The following ENPEP variants were observed in gnomAD, a reference collection of about 807,000 sequenced individuals.
ENPEP encodes the protein AP-A.
Under a neutral mutation model 114.5 loss-of-function variants are expected in ENPEP, and 103 were observed. The ratio of observed to expected loss-of-function variants is 0.90; its 90% CI spans 0.77 to 1.06. ENPEP has a LOEUF of 1.06. Among genes scored for constraint, ENPEP ranks in the 50% least tolerant of loss-of-function variants. The pLI is 0.00. For synonymous variants in ENPEP, 420 were observed against 422.0 expected (o/e 1.00, Z 0.06); for missense variants, 1,196 against 1,161.3 (o/e 1.03, Z -0.43).
At chr4:110,478,987 C>T (rs1191506776) in intron 1 of ENPEP, among the ~76,000 whole-genome samples, 2 of 152,072 alleles carry the variant, frequency 1.3e-5, no homozygotes, top group East Asian at 3.8e-4. Context: ...GTAATAGTTA[C>T]TTTGTTTATT....
In ENPEP at chr4:110,520,037, T is replaced by A. The variant is rs770101676; in HGVS notation, c.1539T>A (p.Asn513Lys). Residue 513 changes from asparagine (N) to lysine (K), a missense_variant, in exon 9 of 20, where the codon AAT becomes AAA. Physicochemically the swap from Asn to Lys is moderately conservative, Grantham distance 94 (BLOSUM62 0). Transcript: ENST00000265162. Reference sequence around the variant, plus strand: ...ACTTGGAAAAATACCAATTCAAGAATGCAAAAACTTCTGATTTTTGGGCAG... The same window carrying A: ...ACTTGGAAAAATACCAATTCAAGAAAGCAAAAACTTCTGATTTTTGGGCAG... ...QMYLEKYQFK[N>K]AKTSDFWAAL... 6.2e-7 allele frequency: 1 copy of A among 1,613,990 alleles called. No individual in the cohort carries two copies. The highest frequency in any genetic ancestry group is 1.3e-5 in the African/African-American group (1 of 75,036).
At chr4:110,501,992 T>C (rs143688478) in intron 3 of ENPEP, among the ~76,000 whole-genome samples, 231 of 152,328 alleles carry the variant, frequency 1.5e-3, no homozygotes, top group Non-Finnish European at 2.5e-3. Context: ...CTGGGTGAGA[T>C]AGTATCTCAT....
chr4:110,536,107 CAAAAAAAAAAA>C (rs34765143), intron 11 of ENPEP, among the ~76,000 whole-genome samples: 2 of 63,106 alleles, frequency 3.2e-5, no homozygotes, highest in Non-Finnish European at 5.8e-5. Context: ...AACTCTGTCT[CAAAAAAAAAAA>C]AAAAAAAAAA....
intron 18 of ENPEP, among the ~76,000 whole-genome samples, chr4:110,557,793 G>C (rs1041486148): frequency 2.0e-5 from 3 of 152,120 alleles, no homozygotes; most frequent in Non-Finnish European, 2.9e-5. Context: ...ATTCAGTGGC[G>C]TCTGTGATAA....
chr4:110,487,271 A>G (rs920328454), intron 1 of ENPEP, among the ~76,000 whole-genome samples: 5 of 152,194 alleles, frequency 3.3e-5, no homozygotes, highest in Admixed American at 3.3e-4. Flanking sequence ...GGGAAGAAGG[A>G]GGTCTTTTCA....
At position 110,563,129 on chromosome 4, in the gene ENPEP, T is replaced by G. The variant is rs1727729067; in HGVS notation, c.*1571T>G. The G allele has an allele frequency of 6.6e-6, 1 of 152,088 alleles. No individual in the cohort carries two copies. The highest frequency in any genetic ancestry group is 1.5e-5 in the Non-Finnish European group (1 of 68,012). The allele number at this position is 152,088 out of a possible 1,614,324, so 9.4% of individuals were successfully genotyped here. ...AGCAAAAACATATTAACATCATAAC[T>G]TACCAGAAAAACCCCACTATCCTCA... On this transcript the variant is annotated 3_prime_UTR_variant, in exon 20 of 20. Transcript: ENST00000265162.
At chr4:110,520,797 A>G (rs896730021) in intron 10 of ENPEP, among the ~76,000 whole-genome samples, 1 of 152,162 alleles carries the variant, frequency 6.6e-6, no homozygotes, top group Non-Finnish European at 1.5e-5. Flanking sequence ...GGTAAGAGTG[A>G]GAAGTGAGGC....
chr4:110,531,107 A>ATACT, intron 10 of ENPEP, 91 bp from the exon 11 acceptor site: 1 of 770,170 alleles, frequency 1.3e-6, no homozygotes, highest in East Asian at 3.5e-5. Flanking sequence ...AAAGAAAAAT[A>ATACT]TACTTGTCTA....
At chr4:110,505,613 T>A (rs1725344962) in intron 3 of ENPEP, among the ~76,000 whole-genome samples, 1 of 152,230 alleles carries the variant, frequency 6.6e-6, no homozygotes, top group African/African-American at 2.4e-5. Context: ...CAATATTTTC[T>A]TTTTTTCTTG....
At chr4:110,526,475 A>C (rs1375238179) in intron 10 of ENPEP, among the ~76,000 whole-genome samples, 3 of 152,188 alleles carry the variant, frequency 2.0e-5, no homozygotes, top group African/African-American at 7.2e-5. Context: ...AAGGTCACAC[A>C]GTGTAAATAA....
chr4:110,559,904 G>A (rs182333419), intron 19 of ENPEP, among the ~76,000 whole-genome samples, 179 bp downstream of exon 19: 60 of 152,106 alleles, frequency 3.9e-4, no homozygotes, highest in Non-Finnish European at 7.2e-4. Context: ...TTTAAGCCCC[G>A]CATGTGTTAG....
intron 6 of ENPEP, chr4:110,512,566 T>C (rs1725620210): frequency 6.6e-6 from 1 of 152,238 alleles, no homozygotes; most frequent in Admixed American, 6.5e-5. Context: ...TTTGGAAATA[T>C]TTTTAATTAA....
intron 1 of ENPEP, among the ~76,000 whole-genome samples, chr4:110,477,354 TA>T (rs1250163786): frequency 6.6e-6 from 1 of 152,214 alleles, no homozygotes; most frequent in Non-Finnish European, 1.5e-5. Flanking sequence ...AAGATTTCCA[TA>T]AATTATCTCA....
intron 13 of ENPEP, among the ~76,000 whole-genome samples, chr4:110,547,103 T>G (rs1261881058): frequency 6.6e-6 from 1 of 152,108 alleles, no homozygotes; most frequent in African/African-American, 2.4e-5. Context: ...ACAAACCTTC[T>G]GCTGTAAGAG....
At chr4:110,496,448 C>T (rs1179598905) in intron 3 of ENPEP, among the ~76,000 whole-genome samples, 1 of 152,058 alleles carries the variant, frequency 6.6e-6, no homozygotes, top group East Asian at 1.9e-4. Flanking sequence ...TCTTATATAA[C>T]CATTTATCAA....
At chr4:110,521,784 C>T (rs777745859) in intron 10 of ENPEP, among the ~76,000 whole-genome samples, 15 of 151,744 alleles carry the variant, frequency 9.9e-5, no homozygotes, top group Non-Finnish European at 1.9e-4. Context: ...GCAAATCCTC[C>T]AAAAATACAG....
chr4:110,477,466 C>G (rs1291553870), intron 1 of ENPEP, among the ~76,000 whole-genome samples: 1 of 152,152 alleles, frequency 6.6e-6, no homozygotes, highest in Non-Finnish European at 1.5e-5. Flanking sequence ...TGGTATTACA[C>G]TAAATTTACG....
intron 19 of ENPEP, 76 bp from the exon 20 acceptor site, chr4:110,561,330 C>T (rs2110406393): frequency 6.7e-7 from 1 of 1,495,780 alleles, no homozygotes; most frequent in Non-Finnish European, 9.2e-7. Context: ...GAAAGCAAAT[C>T]CAGTTTGTGA....
At chr4:110,511,229 T>A (rs920744449) in intron 6 of ENPEP, among the ~76,000 whole-genome samples, 1 of 152,240 alleles carries the variant, frequency 6.6e-6, no homozygotes, top group Admixed American at 6.5e-5. Context: ...AAGCCTAATT[T>A]ACAACAATTA....
Sources: gnomAD v4.1 joint callset for allele counts (sites outside exome capture counted in the v4.1 genomes callset) on GRCh38, gnomAD v4.1.1 for gene constraint, MANE v1.5 for transcripts, NCBI Gene and HGNC (gene_info 2026-07-23, HGNC 2026-07-21) for gene names.